Variants in TMIGD3 observed in about 807,000 individuals in gnomAD.
TMIGD3 encodes transmembrane and immunoglobulin domain containing 3, also known as AD026 protein (AD026).
In TMIGD3, 21 loss-of-function variants were observed where a neutral mutation model predicts 28.1. That is an observed-to-expected ratio of 0.75 (90% CI 0.53 to 1.08). The LOEUF (loss-of-function observed/expected upper bound fraction) is 1.08. TMIGD3 is among the 50% of genes least tolerant of loss of function. The pLI, the probability that TMIGD3 is intolerant of heterozygous loss-of-function variation, is 0.00. For synonymous variants in TMIGD3, 151 were observed against 162.1 expected (o/e 0.93, Z 0.52); for missense variants, 416 against 435.6 (o/e 0.96, Z 0.40).
At chr1:111,520,126 A>T (rs1478315604) in intron 1 of TMIGD3, among the ~76,000 whole-genome samples, 1 of 152,212 alleles carries the variant, frequency 6.6e-6, no homozygotes, top group Non-Finnish European at 1.5e-5. Flanking sequence ...AAAAACAACA[A>T]CAACTAATAG....
intron 1 of TMIGD3, among the ~76,000 whole-genome samples, chr1:111,549,013 G>A (rs908031590): frequency 2.6e-5 from 4 of 152,142 alleles, no homozygotes; most frequent in Non-Finnish European, 4.4e-5. Context: ...CTTCTCATAT[G>A]TGTTTTCCAT....
In TMIGD3 at chr1:111,483,747, AG is replaced by A. The variant is rs1479616131; in HGVS notation, c.983del (p.Thr328IlefsTer2). 6 of 1,613,976 alleles carry A rather than the reference AG, an allele frequency of 3.7e-6. No individual in the cohort carries two copies. The highest frequency in any genetic ancestry group is 5.1e-6 in the Non-Finnish European group (6 of 1,179,828). On this transcript the variant is annotated frameshift_variant, in exon 6 of 6. Transcript: ENST00000369716. LOFTEE classifies it low-confidence loss of function (END_TRUNC). ...TCAGGACACGCGAGAAGGGCTTCAA[AG>A]TGTTGCCTACTTTGTTGGGGAATAG... is the stretch of plus-strand genomic sequence containing the variant. ...RSQRNRRVGN[T>X]LKPFSRVLTP...
intron 1 of TMIGD3, among the ~76,000 whole-genome samples, chr1:111,532,301 C>G (rs1448165367): frequency 6.6e-6 from 1 of 152,202 alleles, no homozygotes. Context: ...TCTATCTTCT[C>G]AACCACAGGA....
At chr1:111,516,786 G>A (rs1435233903) in intron 1 of TMIGD3, among the ~76,000 whole-genome samples, 1 of 152,202 alleles carries the variant, frequency 6.6e-6, no homozygotes, top group African/African-American at 2.4e-5. Context: ...CACGGGATAA[G>A]GTGAAGGGGG....
chr1:111,507,033 GTGTGTGTATATATATA>G (rs1301954922), upstream of TMIGD3, among the ~76,000 whole-genome samples: 1,336 of 37,168 alleles, frequency 0.036, 18 homozygotes, highest in African/African-American at 0.069. Flanking sequence ...GTGTGTGTGT[GTGTGTGTATATATATA>G]TATATATATA....
At chr1:111,506,207 C>T (rs1322570868), upstream of TMIGD3, among the ~76,000 whole-genome samples, 1 of 152,210 alleles carries the variant, frequency 6.6e-6, no homozygotes, top group African/African-American at 2.4e-5. Context: ...CACCACTTTC[C>T]ATTTCTGCAT....
chr1:111,532,691 C>T (rs1410420118), intron 1 of TMIGD3, among the ~76,000 whole-genome samples: 1 of 152,104 alleles, frequency 6.6e-6, no homozygotes, highest in Non-Finnish European at 1.5e-5. Context: ...TGTAAAAGTG[C>T]CCCCTGTGAG....
intron 1 of TMIGD3, among the ~76,000 whole-genome samples, chr1:111,549,487 A>G (rs983142527): frequency 2.0e-5 from 3 of 151,554 alleles, no homozygotes; most frequent in African/African-American, 7.3e-5. Context: ...CATCTCCACT[A>G]AAAAATACAA....
chr1:111,555,624 T>C (rs2789532), intron 1 of TMIGD3, among the ~76,000 whole-genome samples: 3,959 of 152,096 alleles, frequency 0.026, 127 homozygotes, highest in East Asian at 0.089. Flanking sequence ...TATGTATCTA[T>C]TCACCTTCCC....
At chr1:111,543,946 G>T (rs894332875) in intron 1 of TMIGD3, among the ~76,000 whole-genome samples, 1 of 152,132 alleles carries the variant, frequency 6.6e-6, no homozygotes, top group African/African-American at 2.4e-5. Context: ...CATACTCCCA[G>T]TCCCTACTAG....
rs374096028 is a variant in TMIGD3, at chr1:111,503,355, C to G, written c.-1G>C. 8 of 1,605,264 alleles carry G rather than the reference C, an allele frequency of 5.0e-6. No homozygotes were observed. In the African/African-American group the frequency reaches 1.1e-4, roughly 21 times the overall value. The stretch of plus-strand genomic sequence containing the variant: ...ACAGAGCAGTGCTGTTGTTGGGCAT[C>G]TTGCCTTCCCAGGGGAACCTCCACA... On this transcript the variant is annotated 5_prime_UTR_variant, in exon 1 of 6. Coordinates refer to ENST00000369716, the MANE Select transcript of TMIGD3 (RefSeq NM_020683.7).
At chr1:111,521,296 G>A (rs1007683555) in intron 1 of TMIGD3, among the ~76,000 whole-genome samples, 4 of 152,112 alleles carry the variant, frequency 2.6e-5, no homozygotes, top group Admixed American at 6.5e-5. Flanking sequence ...TAAATACCTC[G>A]TTATGGGATG....
chr1:111,550,409 T>C (rs1343522963), intron 1 of TMIGD3, among the ~76,000 whole-genome samples: 1 of 152,190 alleles, frequency 6.6e-6, no homozygotes, highest in African/African-American at 2.4e-5. Flanking sequence ...TTTCTAAAAA[T>C]GGAAGATCAT....
At chr1:111,494,031 C>A (rs1296220341) in intron 1 of TMIGD3, among the ~76,000 whole-genome samples, 2 of 152,168 alleles carry the variant, frequency 1.3e-5, no homozygotes, top group East Asian at 3.8e-4. Context: ...ATGGCCACAC[C>A]ATACATGAAA....
At chr1:111,495,551 C>A (rs1465835596) in intron 1 of TMIGD3, among the ~76,000 whole-genome samples, 1 of 152,038 alleles carries the variant, frequency 6.6e-6, no homozygotes, top group African/African-American at 2.4e-5. Context: ...ACTAATTGAA[C>A]CAATTACTAA....
In TMIGD3 at chr1:111,483,737, A is replaced by G. The variant is rs1261531527; in HGVS notation, c.994T>C (p.Phe332Leu). 1.9e-6 allele frequency: 3 copies of G among 1,614,084 alleles called. No homozygotes were observed. Among genetic ancestry groups the G allele is most frequent in the Non-Finnish European group, 2.5e-6 (3 of 1,179,928 alleles). Residue 332 changes from phenylalanine (F) to leucine (L), a missense_variant, in exon 6 of 6, where the codon TTC (phenylalanine) becomes CTC (leucine). Phe to Leu is a conservative substitution (Grantham distance 22). Coordinates refer to ENST00000369716, the MANE Select transcript of TMIGD3 (RefSeq NM_020683.7). ...TCCTTTGGAGTCAGGACACGCGAGA[A>G]GGGCTTCAAAGTGTTGCCTACTTTG... ...NRRVGNTLKP[F>L]SRVLTPKEMA... is the part of the protein sequence containing the mutation.
At chr1:111,530,288 T>C (rs1219529039) in intron 1 of TMIGD3, among the ~76,000 whole-genome samples, 3 of 152,224 alleles carry the variant, frequency 2.0e-5, no homozygotes, top group Admixed American at 2.0e-4. Flanking sequence ...ACATTTTACT[T>C]CTTTATGTTA....
chr1:111,512,202 G>C (rs1655711805), intron 1 of TMIGD3, among the ~76,000 whole-genome samples: 1 of 152,232 alleles, frequency 6.6e-6, no homozygotes, highest in African/African-American at 2.4e-5. Flanking sequence ...GGGTAGAATA[G>C]TGGGTGCTAA....
At chr1:111,492,239 C>T (rs1654700095) in intron 1 of TMIGD3, among the ~76,000 whole-genome samples, 1 of 152,200 alleles carries the variant, frequency 6.6e-6, no homozygotes, top group South Asian at 2.1e-4. Flanking sequence ...ATTAACCACC[C>T]AACCAAAATG....
Sources: gnomAD v4.1 joint callset for allele counts (sites outside exome capture counted in the v4.1 genomes callset) on GRCh38, gnomAD v4.1.1 for gene constraint, MANE v1.5 for transcripts, NCBI Gene and HGNC (gene_info 2026-07-23, HGNC 2026-07-21) for gene names.